Variants in BNC2 observed in about 807,000 individuals in gnomAD.
BNC2 encodes basonuclin zinc finger protein 2.
In BNC2, 20 loss-of-function variants were observed where a neutral mutation model predicts 76.3. The observed-to-expected ratio is 0.26, with a 90% CI of 0.18 to 0.38. The LOEUF is 0.38. BNC2 is among the 10% of genes least tolerant of loss of function. BNC2 has a pLI of 1.00. For synonymous variants in BNC2, 582 were observed against 514.8 expected, an observed-to-expected ratio of 1.13 and a Z score of -1.77; for missense variants, 1,382 against 1,399.8, an observed-to-expected ratio of 0.99 and a Z score of 0.20.
intron 5 of BNC2, among the ~76,000 whole-genome samples, chr9:16,518,981 A>C (rs570556565): frequency 1.3e-5 from 2 of 152,360 alleles, no homozygotes; most frequent in South Asian, 4.1e-4. Flanking sequence ...AACAAAAAGC[A>C]AGTGTGTTAT....
chr9:16,511,123 T>C (rs1258333749), intron 5 of BNC2, among the ~76,000 whole-genome samples: 2 of 150,988 alleles, frequency 1.3e-5, no homozygotes, highest in East Asian at 3.9e-4. Flanking sequence ...TTTTTTTTTT[T>C]TTTAAGAAAC....
intron 3 of BNC2, among the ~76,000 whole-genome samples, chr9:16,672,739 T>A (rs1368981043): frequency 1.3e-5 from 2 of 152,200 alleles, no homozygotes; most frequent in Non-Finnish European, 2.9e-5. Context: ...CATGTGACAT[T>A]TTTTTCCTAC....
chr9:16,477,049 G>C (rs1219736812), intron 5 of BNC2, among the ~76,000 whole-genome samples: 1 of 152,050 alleles, frequency 6.6e-6, no homozygotes, highest in African/African-American at 2.4e-5. Flanking sequence ...GCTCCATCAG[G>C]GTAGAAAAGG....
chr9:16,509,958 A>T (rs1822714892), intron 5 of BNC2, among the ~76,000 whole-genome samples: 1 of 152,218 alleles, frequency 6.6e-6, no homozygotes, highest in Admixed American at 6.5e-5. Context: ...ATTTTTGAAG[A>T]TTCTAGGCTG....
At chr9:16,526,434 A>G (rs1817802594) in intron 5 of BNC2, among the ~76,000 whole-genome samples, 1 of 148,474 alleles carries the variant, frequency 6.7e-6, no homozygotes, top group Non-Finnish European at 1.5e-5. Context: ...TGTGTCCACC[A>G]ATGCTGGGAT....
chr9:16,692,708 CAG>C (rs993633578), intron 3 of BNC2, among the ~76,000 whole-genome samples: 6 of 152,150 alleles, frequency 3.9e-5, no homozygotes, highest in African/African-American at 1.2e-4. Context: ...TAAAAAGAGA[CAG>C]AGTCACTTGG....
intron 5 of BNC2, among the ~76,000 whole-genome samples, chr9:16,472,631 T>C (rs1400542405): frequency 6.6e-6 from 1 of 152,176 alleles, no homozygotes; most frequent in East Asian, 1.9e-4. Flanking sequence ...AATCCAAGAA[T>C]GGTCCACTTC....
intron 3 of BNC2, among the ~76,000 whole-genome samples, chr9:16,600,484 T>A (rs955853860): frequency 6.6e-6 from 1 of 152,220 alleles, no homozygotes; most frequent in African/African-American, 2.4e-5. Flanking sequence ...TGTACAGTAT[T>A]ATTTTCTTTA....
intron 5 of BNC2, among the ~76,000 whole-genome samples, chr9:16,533,114 T>G (rs2132255713): frequency 6.6e-6 from 1 of 152,354 alleles, no homozygotes; most frequent in South Asian, 2.1e-4. Flanking sequence ...AAAGAGATAA[T>G]TTTGCTATGA....
intron 5 of BNC2, among the ~76,000 whole-genome samples, chr9:16,548,013 T>C (rs1049262768): frequency 2.0e-5 from 3 of 152,170 alleles, no homozygotes; most frequent in Non-Finnish European, 2.9e-5. Context: ...AATGTACCAA[T>C]TGTGCTGGTA....
intron 1 of BNC2, among the ~76,000 whole-genome samples, chr9:16,845,046 C>A (rs554416247): frequency 6.6e-6 from 1 of 152,264 alleles, no homozygotes; most frequent in African/African-American, 2.4e-5. Flanking sequence ...GAAGCCTAAA[C>A]CCCCTCCACC....
At chr9:16,582,892 GACACACACACACAC>G (rs149223772) in intron 4 of BNC2, 77 bp downstream of exon 4, 713 of 626,896 alleles carry the variant, frequency 1.1e-3, no homozygotes, top group Non-Finnish European at 1.5e-3. Flanking sequence ...CCTCTAAACA[GACACACACACACAC>G]ACACACACAC....
intron 1 of BNC2, among the ~76,000 whole-genome samples, chr9:16,834,208 C>T (rs375043201): frequency 6.8e-6 from 1 of 147,844 alleles, no homozygotes; most frequent in African/African-American, 2.5e-5. Flanking sequence ...AAAAAAAAAT[C>T]CCTTAAGCAA....
At chr9:16,580,376 A>C (rs1278633916) in intron 4 of BNC2, among the ~76,000 whole-genome samples, 1 of 152,186 alleles carries the variant, frequency 6.6e-6, no homozygotes, top group Non-Finnish European at 1.5e-5. Context: ...ATAATTGTAA[A>C]GGAAAGAATT....
At chr9:16,710,388 T>C (rs554946149) in intron 3 of BNC2, among the ~76,000 whole-genome samples, 4 of 152,376 alleles carry the variant, frequency 2.6e-5, no homozygotes, top group African/African-American at 9.6e-5. Context: ...AATATTACAG[T>C]GGCATTGAGC....
At chr9:16,468,174 A>G (rs1821736182) in intron 5 of BNC2, among the ~76,000 whole-genome samples, 1 of 149,480 alleles carries the variant, frequency 6.7e-6, no homozygotes, top group African/African-American at 2.5e-5. Context: ...CCAAAGTGCT[A>G]GGATTATAGG....
At chr9:16,520,044 G>A (rs1817566239) in intron 5 of BNC2, among the ~76,000 whole-genome samples, 1 of 152,208 alleles carries the variant, frequency 6.6e-6, no homozygotes, top group South Asian at 2.1e-4. Context: ...CTAATGGGCA[G>A]ATACCGACAC....
chr9:16,583,140 T>A, intron 3 of BNC2, 55 bp from the exon 4 acceptor site: 1 of 1,371,742 alleles, frequency 7.3e-7, no homozygotes, highest in Non-Finnish European at 1.0e-6. Context: ...TACTATACTC[T>A]TTTCACCATT....
intron 5 of BNC2, among the ~76,000 whole-genome samples, chr9:16,488,519 G>C (rs985149845): frequency 3.3e-5 from 5 of 152,148 alleles, no homozygotes; most frequent in Admixed American, 6.6e-5. Flanking sequence ...GTTTTAGTGG[G>C]AAACAAATTT....
Sources: allele counts gnomAD v4.1 joint callset (sites outside exome capture counted in the v4.1 genomes callset), GRCh38; gene constraint gnomAD v4.1.1; transcripts MANE v1.5; gene names NCBI Gene and HGNC (gene_info 2026-07-23, HGNC 2026-07-21).